The following PDCD1LG2 variants were observed in gnomAD, a reference collection of about 807,000 sequenced individuals.
The protein encoded by PDCD1LG2 is programmed cell death 1 ligand 2.
In PDCD1LG2, 32 loss-of-function variants were observed where a neutral mutation model predicts 28.2. That is an observed-to-expected ratio of 1.13 (90% CI 0.86 to 1.52). The LOEUF (loss-of-function observed/expected upper bound fraction) is 1.52, where lower values mean the gene tolerates loss of function less well. PDCD1LG2 is among the 40% of genes most tolerant of loss of function. The pLI, the probability that PDCD1LG2 is intolerant of heterozygous loss-of-function variation, is 0.00. For synonymous variants in PDCD1LG2, 116 were observed against 120.2 expected, an observed-to-expected ratio of 0.97 and a Z score of 0.23; for missense variants, 385 against 323.8, an observed-to-expected ratio of 1.19 and a Z score of -1.45.
At chr9:5,513,104 A>G (rs1026280570) in intron 1 of PDCD1LG2, among the ~76,000 whole-genome samples, 1 of 152,142 alleles carries the variant, frequency 6.6e-6, no homozygotes, top group African/African-American at 2.4e-5. Context: ...TCTTTTTCAG[A>G]TACTCCTTTG....
At chr9:5,543,265 C>T (rs189093882) in intron 3 of PDCD1LG2, among the ~76,000 whole-genome samples, 1 of 152,082 alleles carries the variant, frequency 6.6e-6, no homozygotes, top group African/African-American at 2.4e-5. Flanking sequence ...TTGGGCCAGG[C>T]GTGGTTGCTC....
intron 6 of PDCD1LG2, among the ~76,000 whole-genome samples, chr9:5,563,680 G>A (rs1177407071): frequency 6.6e-6 from 1 of 152,146 alleles, no homozygotes; most frequent in Non-Finnish European, 1.5e-5. Flanking sequence ...AGAAGAAGTG[G>A]GTTACTAAAA....
At chr9:5,536,914 A>C (rs1286760694) in intron 3 of PDCD1LG2, among the ~76,000 whole-genome samples, 1 of 152,210 alleles carries the variant, frequency 6.6e-6, no homozygotes, top group Non-Finnish European at 1.5e-5. Flanking sequence ...CCCCTAAAAC[A>C]CTTCCTCTTT....
intron 3 of PDCD1LG2, among the ~76,000 whole-genome samples, chr9:5,538,580 G>T (rs531648477): frequency 6.4e-4 from 97 of 152,128 alleles, no homozygotes; most frequent in Non-Finnish European, 3.8e-4. Context: ...CCCAGCTACT[G>T]GGGAGGCTGA....
chr9:5,511,467 T>G (rs1820056507), intron 1 of PDCD1LG2, among the ~76,000 whole-genome samples: 1 of 152,174 alleles, frequency 6.6e-6, no homozygotes, highest in Non-Finnish European at 1.5e-5. Flanking sequence ...AATGGGTTCA[T>G]GTGGAGGGGA....
In PDCD1LG2 at chr9:5,534,927, C is replaced by A. The variant is rs900574856; in HGVS notation, c.238C>A (p.Leu80Met). The change falls in exon 3 of 7, where the codon CTG becomes ATG. Residue 80 changes from leucine (L) to methionine (M), a missense_variant. Transcript: ENST00000397747. The part of the protein sequence containing the change: ...RERATLLEEQ[L>M]PLGKASFHIP... Reference sequence around the variant, plus strand: ...AAGAGCCACTTTGCTGGAGGAGCAGCTGCCCCTAGGGAAGGCCTCGTTCCA... The same window carrying A: ...AAGAGCCACTTTGCTGGAGGAGCAGATGCCCCTAGGGAAGGCCTCGTTCCA... The A allele has an allele frequency of 1.2e-6, 2 of 1,614,142 alleles. No homozygotes were observed. Among genetic ancestry groups the A allele is most frequent in the Non-Finnish European group, 1.7e-6 (2 of 1,180,010 alleles).
chr9:5,555,040 C>A (rs960938796), intron 4 of PDCD1LG2, among the ~76,000 whole-genome samples: 1 of 152,150 alleles, frequency 6.6e-6, no homozygotes, highest in Non-Finnish European at 1.5e-5. Flanking sequence ...AAGTTGCATG[C>A]CTTACTTGTG....
chr9:5,515,023 C>T (rs1322975638), intron 1 of PDCD1LG2, among the ~76,000 whole-genome samples: 1 of 151,934 alleles, frequency 6.6e-6, no homozygotes, highest in African/African-American at 2.4e-5. Flanking sequence ...ATTTTTAGAC[C>T]AAAGATTACC....
At chr9:5,524,727 A>C (rs758382812) in intron 2 of PDCD1LG2, among the ~76,000 whole-genome samples, 1 of 152,174 alleles carries the variant, frequency 6.6e-6, no homozygotes, top group Non-Finnish European at 1.5e-5. Flanking sequence ...TAAAAAGGAT[A>C]GTCTTATCTA....
chr9:5,515,570 T>C (rs558619121), intron 1 of PDCD1LG2, among the ~76,000 whole-genome samples: 13 of 152,208 alleles, frequency 8.5e-5, no homozygotes, highest in African/African-American at 2.9e-4. Context: ...TGTTCAACTC[T>C]CAGCAGAGAG....
intron 3 of PDCD1LG2, among the ~76,000 whole-genome samples, chr9:5,546,034 A>T (rs901904034): frequency 2.6e-5 from 4 of 152,086 alleles, no homozygotes; most frequent in Admixed American, 6.5e-5. Flanking sequence ...CCACCTTCCA[A>T]ATAAGAAAGA....
chr9:5,563,746 T>C (rs918222350), intron 6 of PDCD1LG2, among the ~76,000 whole-genome samples: 1 of 152,086 alleles, frequency 6.6e-6, no homozygotes, highest in Non-Finnish European at 1.5e-5. Context: ...CACATGATTG[T>C]GGGGGCTGGC....
chr9:5,515,272 G>C (rs1315733679), intron 1 of PDCD1LG2, among the ~76,000 whole-genome samples: 2 of 152,178 alleles, frequency 1.3e-5, no homozygotes, highest in Non-Finnish European at 2.9e-5. Flanking sequence ...GAAAACACAA[G>C]TGAATTTTAA....
chr9:5,568,017 A>AC (rs1816698379), intron 6 of PDCD1LG2, among the ~76,000 whole-genome samples: 1 of 152,178 alleles, frequency 6.6e-6, no homozygotes, highest in Non-Finnish European at 1.5e-5. Context: ...TCAGCATTCC[A>AC]CATGGGTGTG....
At chr9:5,562,215 T>C (rs906285593) in intron 5 of PDCD1LG2, among the ~76,000 whole-genome samples, 9 of 152,130 alleles carry the variant, frequency 5.9e-5, no homozygotes, top group South Asian at 2.1e-4. Context: ...CTATTCATGA[T>C]TGCAAAGATA....
chr9:5,545,982 C>T (rs1563829549), intron 3 of PDCD1LG2, among the ~76,000 whole-genome samples: 1 of 152,148 alleles, frequency 6.6e-6, no homozygotes. Context: ...GAATATCACC[C>T]TCAGTCCAGC....
chr9:5,533,691 C>T (rs758721384), intron 2 of PDCD1LG2, among the ~76,000 whole-genome samples: 87 of 152,012 alleles, frequency 5.7e-4, no homozygotes, highest in Admixed American at 2.6e-4. Flanking sequence ...TTACATACTT[C>T]TAGTGGCGTG....
chr9:5,563,026 C>T lies in PDCD1LG2; in HGVS notation c.767-136C>T, dbSNP rs139704848. ...TGCTTTATGCATTACCATCCGAAGT[C>T]CCAGGCCACAGTGAACATTTGGGCT... On this transcript the variant is annotated intron_variant, in intron 5 of 6. Transcript: ENST00000397747. The T allele has an allele frequency of 9.0e-5, 65 of 721,102 alleles. No individual in the cohort carries two copies. The African/African-American group carries it at 1.1e-3, about 12-fold the overall frequency. The allele number at this position is 721,102 out of a possible 1,614,324, so 44.7% of individuals were successfully genotyped here.
chr9:5,549,732 A>G, intron 4 of PDCD1LG2, 128 bp downstream of exon 4: 1 of 1,182,704 alleles, frequency 8.5e-7, no homozygotes. Flanking sequence ...CCATTTGGAG[A>G]AACTACAAAG....
Sources: allele counts gnomAD v4.1 joint callset (sites outside exome capture counted in the v4.1 genomes callset), GRCh38; gene constraint gnomAD v4.1.1; transcripts MANE v1.5; gene names NCBI Gene and HGNC (gene_info 2026-07-23, HGNC 2026-07-21).